TRIM44: variants seen among roughly 807,000 people sequenced by gnomAD.
TRIM44 encodes tripartite motif containing 44, also known as tripartite motif-containing protein 44.
A neutral mutation model predicts 37.4 loss-of-function variants in TRIM44; 13 were observed. That is an observed-to-expected ratio of 0.35 (90% CI 0.23 to 0.55). The LOEUF (loss-of-function observed/expected upper bound fraction) is 0.55. TRIM44 is among the 20% of genes least tolerant of loss of function. The pLI is 0.89. For missense variants in TRIM44, 426 were observed against 437.2 expected (o/e 0.97, Z 0.23); for synonymous variants, 175 against 157.2 (o/e 1.11, Z -0.85).
chr11:35,720,288 ATGTAAATGG>A (rs1852085178), intron 2 of TRIM44, among the ~76,000 whole-genome samples: 1 of 152,132 alleles, frequency 6.6e-6, no homozygotes, highest in African/African-American at 2.4e-5. Flanking sequence ...GGAGGTGCTA[ATGTAAATGG>A]TATTATCTTT....
intron 1 of TRIM44, 98 bp downstream of exon 1, chr11:35,663,878 C>A: frequency 7.1e-7 from 1 of 1,406,972 alleles, no homozygotes; most frequent in South Asian, 1.4e-5. Flanking sequence ...TCACTGTGTC[C>A]CTAAGAAGCT....
intron 4 of TRIM44, among the ~76,000 whole-genome samples, chr11:35,782,232 A>C (rs193210208): frequency 3.9e-4 from 60 of 152,218 alleles, no homozygotes; most frequent in African/African-American, 1.4e-3. Flanking sequence ...ATCTTGGAAA[A>C]CTTCCTAGAG....
intron 3 of TRIM44, among the ~76,000 whole-genome samples, chr11:35,727,919 G>T (rs2135517027): frequency 6.6e-6 from 1 of 152,316 alleles, no homozygotes; most frequent in East Asian, 1.9e-4. Flanking sequence ...TAAACAAAAG[G>T]TTCAACCAGA....
At chr11:35,677,532 G>A (rs1017452724) in intron 1 of TRIM44, among the ~76,000 whole-genome samples, 3 of 151,980 alleles carry the variant, frequency 2.0e-5, no homozygotes, top group African/African-American at 7.2e-5. Flanking sequence ...AACATTTATT[G>A]AGAACTTAGC....
At chr11:35,668,427 T>C (rs533290773) in intron 1 of TRIM44, among the ~76,000 whole-genome samples, 1 of 152,350 alleles carries the variant, frequency 6.6e-6, no homozygotes, top group South Asian at 2.1e-4. Context: ...TCATATGTTC[T>C]ATCATTCAGC....
rs747128957 is a variant in TRIM44 at position 35,726,198 on chromosome 11, G to C, written c.987+35G>C. On this transcript the variant is annotated intron_variant, in intron 3 of 4. Coordinates refer to ENST00000299413, the MANE Select transcript of TRIM44 (RefSeq NM_017583.6). ...AAGCCCATAATTATTAGTAGCAAGA[G>C]AAATAGGAGGAAACTGATGCCATAT... The C allele has an allele frequency of 8.7e-6, 14 of 1,605,272 alleles. 1 individual carries two copies. In the South Asian group the frequency reaches 1.4e-4, roughly 17 times the overall value.
At chr11:35,777,130 T>A (rs1371308806) in intron 4 of TRIM44, among the ~76,000 whole-genome samples, 2 of 152,224 alleles carry the variant, frequency 1.3e-5, no homozygotes, top group South Asian at 2.1e-4. Flanking sequence ...TTTATGAATC[T>A]GGGTGCTCCT....
At chr11:35,724,237 T>G (rs1418825854) in intron 2 of TRIM44, 2 of 152,264 alleles carry the variant, frequency 1.3e-5, no homozygotes, top group Non-Finnish European at 2.9e-5. Flanking sequence ...TGCTACCCCC[T>G]CCTGTAGGCT....
intron 4 of TRIM44, among the ~76,000 whole-genome samples, chr11:35,737,558 G>A (rs1478804614): frequency 1.3e-5 from 2 of 151,998 alleles, no homozygotes; most frequent in African/African-American, 4.8e-5. Context: ...AATTGAGGTC[G>A]GGCACAGTGG....
chr11:35,753,684 T>A (rs1362587488), intron 4 of TRIM44, among the ~76,000 whole-genome samples: 1 of 152,192 alleles, frequency 6.6e-6, no homozygotes, highest in Non-Finnish European at 1.5e-5. Flanking sequence ...TGAAACCAGA[T>A]CTATCCTAAT....
chr11:35,665,066 CT>C (rs1851316187), intron 1 of TRIM44, among the ~76,000 whole-genome samples: 1 of 152,316 alleles, frequency 6.6e-6, no homozygotes, highest in South Asian at 2.1e-4. Flanking sequence ...AGTTTATTCA[CT>C]TTCATTACTA....
rs1253726682 is a variant in TRIM44 at position 35,814,199 on chromosome 11, C to T, written c.*7814C>T. ...TGTTACACAATTTAACCTGTAATAA[C>T]AGGTTCTCACTTGTATTTCTCCAGC... is the stretch of plus-strand genomic sequence containing the variant. On this transcript the variant is annotated 3_prime_UTR_variant, in exon 5 of 5. Transcript: ENST00000299413. 1.3e-5 allele frequency: 2 copies of T among 152,318 alleles called. No homozygotes were observed. Among genetic ancestry groups the T allele is most frequent in the South Asian group, 2.1e-4 (1 of 4,822 alleles). The allele number at this position is 152,318 out of a possible 1,614,324, so 9.4% of individuals were successfully genotyped here.
At chr11:35,765,843 GTTC>G (rs1852791547) in intron 4 of TRIM44, among the ~76,000 whole-genome samples, 1 of 152,172 alleles carries the variant, frequency 6.6e-6, no homozygotes, top group Admixed American at 6.5e-5. Context: ...TATTCTTTCA[GTTC>G]TTCTTTGGTA....
chr11:35,764,792 C>G (rs940764688), intron 4 of TRIM44, among the ~76,000 whole-genome samples: 13 of 152,164 alleles, frequency 8.5e-5, no homozygotes, highest in African/African-American at 3.1e-4. Context: ...TTCCAGGAAA[C>G]AGTCCAGCTT....
At chr11:35,769,665 C>G (rs1852840871) in intron 4 of TRIM44, among the ~76,000 whole-genome samples, 1 of 152,164 alleles carries the variant, frequency 6.6e-6, no homozygotes, top group Non-Finnish European at 1.5e-5. Context: ...GTTTGAATGA[C>G]CCAGTGATTA....
intron 2 of TRIM44, among the ~76,000 whole-genome samples, chr11:35,694,687 T>C (rs1564955903): frequency 6.6e-6 from 1 of 152,052 alleles, no homozygotes; most frequent in Non-Finnish European, 1.5e-5. Flanking sequence ...GAGACTTACC[T>C]GGTTAGCTTT....
intron 4 of TRIM44, among the ~76,000 whole-genome samples, chr11:35,804,137 T>C (rs971744781): frequency 1.1e-4 from 17 of 152,290 alleles, no homozygotes; most frequent in African/African-American, 2.4e-4. Flanking sequence ...TCAACAAATA[T>C]TTAGCAAATG....
rs1423279997 is a variant in TRIM44 at position 35,692,204 on chromosome 11, A to G, written c.747+6868A>G. On this transcript the variant is annotated intron_variant, in intron 2 of 4. Coordinates refer to ENST00000299413, the MANE Select transcript of TRIM44 (RefSeq NM_017583.6). The stretch of plus-strand genomic sequence containing the variant: ...TTGGGTACTTACTTTTTATAAAGAA[A>G]TGCAGATTCTTGAGCCTCACTCAAA... Among the ~76,000 whole-genome samples the G allele has an allele frequency of 2.0e-5, 3 of 152,124 alleles. No homozygotes were observed. In the East Asian group the frequency reaches 5.8e-4, roughly 29 times the overall value.
intron 1 of TRIM44, among the ~76,000 whole-genome samples, chr11:35,679,830 T>C (rs1851504319): frequency 1.3e-5 from 2 of 152,324 alleles, no homozygotes; most frequent in East Asian, 3.9e-4. Context: ...TAGCTTTTGA[T>C]CTGGTCCATC....
Sources: allele counts gnomAD v4.1 joint callset (sites outside exome capture counted in the v4.1 genomes callset), GRCh38; gene constraint gnomAD v4.1.1; transcripts MANE v1.5; gene names NCBI Gene and HGNC (gene_info 2026-07-23, HGNC 2026-07-21).